TMEM150C: variants seen among roughly 807,000 people sequenced by gnomAD.
The protein encoded by TMEM150C is tentonin 3.
Under a neutral mutation model 29.9 loss-of-function variants are expected in TMEM150C, and 10 were observed. That is an observed-to-expected ratio of 0.33 (90% confidence interval 0.21 to 0.57). The LOEUF (loss-of-function observed/expected upper bound fraction) is 0.57, where lower values mean the gene tolerates loss of function less well. Ranked by LOEUF, TMEM150C falls within the 20% of genes least tolerant of loss-of-function variation. TMEM150C has a pLI of 0.88. For synonymous variants in TMEM150C, 101 were observed against 112.5 expected, an observed-to-expected ratio of 0.90 and a Z score of 0.64; for missense variants, 251 against 303.6, an observed-to-expected ratio of 0.83 and a Z score of 1.29.
At chr4:82,541,964 G>A (rs1725215985) in intron 1 of TMEM150C, among the ~76,000 whole-genome samples, 1 of 152,154 alleles carries the variant, frequency 6.6e-6, no homozygotes, top group Non-Finnish European at 1.5e-5. Flanking sequence ...TTAATGCGCA[G>A]TAAGGTAGAA....
chr4:82,537,852 TAGAGCC>T (rs1725061248), intron 1 of TMEM150C, among the ~76,000 whole-genome samples: 1 of 152,170 alleles, frequency 6.6e-6, no homozygotes, highest in African/African-American at 2.4e-5. Flanking sequence ...GATTCTCCCC[TAGAGCC>T]TTCAATAGGA....
chr4:82,549,577 A>T (rs1224685519), intron 1 of TMEM150C, among the ~76,000 whole-genome samples: 1 of 152,246 alleles, frequency 6.6e-6, no homozygotes, highest in African/African-American at 2.4e-5. Context: ...ACGGAACTGT[A>T]CACTTAAAAA....
intron 1 of TMEM150C, among the ~76,000 whole-genome samples, chr4:82,514,195 C>T (rs1232992332): frequency 1.3e-5 from 2 of 152,226 alleles, no homozygotes; most frequent in Admixed American, 1.3e-4. Flanking sequence ...TCTAGTCAGG[C>T]AAGCTCCTCT....
At chr4:82,515,559 A>C (rs991176734) in intron 1 of TMEM150C, among the ~76,000 whole-genome samples, 1 of 152,042 alleles carries the variant, frequency 6.6e-6, no homozygotes, top group Non-Finnish European at 1.5e-5. Flanking sequence ...TAACATGGTG[A>C]AACCCCGTCT....
At chr4:82,499,926 G>A (rs922471789) in intron 5 of TMEM150C, among the ~76,000 whole-genome samples, 4 of 152,084 alleles carry the variant, frequency 2.6e-5, no homozygotes, top group Non-Finnish European at 5.9e-5. Flanking sequence ...TATGACTGCG[G>A]TAGAACACAA....
chr4:82,512,208 A>T (rs569955101), intron 1 of TMEM150C, among the ~76,000 whole-genome samples: 1 of 152,304 alleles, frequency 6.6e-6, no homozygotes, highest in South Asian at 2.1e-4. Flanking sequence ...GGGATGCTAT[A>T]GTGAAAATAT....
rs780671323 is a variant in TMEM150C, at chr4:82,496,098, G to C, written c.333C>G (p.Ser111=). The part of the protein sequence containing the change: ...ISGLVALCLA[S]FGMTLLGNFQ... ...AATTACCAAGTAAGGTCATTCCGAA[G>C]GAAGCCAGACACAGAGCCACCAATC... Residue 111 remains serine (S), a synonymous_variant, in exon 6 of 8, where the codon TCC becomes TCG. Coordinates refer to ENST00000449862, the MANE Select transcript of TMEM150C (RefSeq NM_001080506.3). 16 of 1,613,956 alleles carry C rather than the reference G, an allele frequency of 9.9e-6. No individual in the cohort carries two copies. The East Asian group carries it at 3.3e-4, about 34-fold the overall frequency.
At chr4:82,506,453 A>G (rs1282857279) in intron 1 of TMEM150C, among the ~76,000 whole-genome samples, 2 of 152,358 alleles carry the variant, frequency 1.3e-5, no homozygotes, top group Admixed American at 1.3e-4. Flanking sequence ...TAAATTACAG[A>G]ATAGAGTTGA....
chr4:82,497,886 C>T (rs1001898703), intron 5 of TMEM150C, among the ~76,000 whole-genome samples: 3 of 152,066 alleles, frequency 2.0e-5, no homozygotes, highest in African/African-American at 4.8e-5. Flanking sequence ...CACTCCATCA[C>T]GAAGTGATCA....
chr4:82,537,053 C>T (rs1725034552), intron 1 of TMEM150C, among the ~76,000 whole-genome samples: 2 of 152,156 alleles, frequency 1.3e-5, no homozygotes, highest in South Asian at 4.1e-4. Context: ...TCGATCTAGG[C>T]TCACTACAAG....
At chr4:82,504,317 C>T (rs1389287766) in intron 2 of TMEM150C, among the ~76,000 whole-genome samples, 1 of 152,142 alleles carries the variant, frequency 6.6e-6, no homozygotes, top group African/African-American at 2.4e-5. Flanking sequence ...GATTCTTGTG[C>T]CTCAGCCCCC....
intron 1 of TMEM150C, among the ~76,000 whole-genome samples, chr4:82,559,649 C>T (rs1301791252): frequency 6.6e-6 from 1 of 152,218 alleles, no homozygotes; most frequent in African/African-American, 2.4e-5. Context: ...TTCAATAACA[C>T]TTGGACCCTA....
chr4:82,510,272 C>CT (rs1724081906), intron 1 of TMEM150C, among the ~76,000 whole-genome samples: 1 of 152,016 alleles, frequency 6.6e-6, no homozygotes, highest in South Asian at 2.1e-4. Context: ...GAGCAAGACT[C>CT]TATCTCAAAA....
At chr4:82,556,101 T>C (rs1032120603) in intron 1 of TMEM150C, among the ~76,000 whole-genome samples, 33 of 152,088 alleles carry the variant, frequency 2.2e-4, no homozygotes, top group Admixed American at 2.2e-3. Context: ...GTTTTTTTTT[T>C]TCTTGGAGGG....
chr4:82,491,610 A>C, intron 6 of TMEM150C: 1 of 603,702 alleles, frequency 1.7e-6, no homozygotes, highest in Non-Finnish European at 2.9e-6. Flanking sequence ...CACCTTCTTT[A>C]CTTTGGCCTT....
chr4:82,515,135 T>C (rs993062304), intron 1 of TMEM150C, among the ~76,000 whole-genome samples: 1 of 147,602 alleles, frequency 6.8e-6, no homozygotes, highest in Admixed American at 6.7e-5. Context: ...GACACTAACT[T>C]AACAGAACCT....
chr4:82,532,889 C>T lies in TMEM150C; in HGVS notation c.-10-28222G>A, dbSNP rs536246382. 6.7e-4 allele frequency among the ~76,000 whole-genome samples: 102 copies of T among 152,090 alleles called. 3 individuals carry two copies. In the South Asian group the frequency reaches 0.019, roughly 28 times the overall value. On this transcript the variant is annotated intron_variant, in intron 1 of 7. Transcript: ENST00000449862. ...GACTACAGGTGCCTACCACCACGCC[C>T]GGCTAATTTTTTGTATTTTTAGTAC...
chr4:82,546,646 G>A (rs1725395482), intron 1 of TMEM150C, among the ~76,000 whole-genome samples: 2 of 152,074 alleles, frequency 1.3e-5, no homozygotes, highest in Admixed American at 6.5e-5. Context: ...GGCTAACACA[G>A]TGAAACCCCG....
chr4:82,551,693 C>T (rs11939798), intron 1 of TMEM150C, among the ~76,000 whole-genome samples: 19,078 of 152,142 alleles, frequency 0.13, 1,536 homozygotes, highest in African/African-American at 0.22. Flanking sequence ...TGATGTCTCT[C>T]CCCTTATCTA....
Sources: allele counts gnomAD v4.1 joint callset (sites outside exome capture counted in the v4.1 genomes callset), GRCh38; gene constraint gnomAD v4.1.1; transcripts MANE v1.5; gene names NCBI Gene and HGNC (gene_info 2026-07-23, HGNC 2026-07-21).